MRGPRX1: variants seen among roughly 807,000 people sequenced by gnomAD.
MRGPRX1 encodes mas-related G protein-coupled receptor member X1.
For synonymous variants in MRGPRX1, 208 were observed against 170.4 expected (o/e 1.22, Z -1.72); for missense variants, 411 against 393.8 (o/e 1.04, Z -0.37).
intron 1 of MRGPRX1, among the ~76,000 whole-genome samples, chr11:18,935,641 C>T (rs533778082): frequency 2.0e-5 from 3 of 151,414 alleles, no homozygotes; most frequent in South Asian, 4.2e-4. Flanking sequence ...TTTGCCGAAC[C>T]CCTAGAAGCA....
Position 18,936,125 on chromosome 11 carries a change from A to G in MRGPRX1, c.-25-1316T>C, listed in dbSNP as rs1179896734. Among the ~76,000 whole-genome samples the G allele has an allele frequency of 2.6e-5, 4 of 151,442 alleles. 1 individual carries two copies. The highest frequency in any genetic ancestry group is 5.9e-5 in the Non-Finnish European group (4 of 67,800). ...GGAACACAAAAAGAGTGAATTATTC[A>G]TTCTGGGACTTATATAGTATGAATT... On this transcript the variant is annotated intron_variant, in intron 1 of 1. Transcript: ENST00000526914.
intron 1 of MRGPRX1, 21 bp from the exon 2 acceptor site, chr11:18,934,830 T>G (rs1172578122): frequency 5.9e-6 from 9 of 1,523,568 alleles, no homozygotes; most frequent in Non-Finnish European, 7.9e-6. Context: ...AAACCAGTTG[T>G]GATCACCAGC....
At chr11:18,935,544 C>G (rs532172682) in intron 1 of MRGPRX1, among the ~76,000 whole-genome samples, 2 of 151,680 alleles carry the variant, frequency 1.3e-5, no homozygotes, top group Admixed American at 6.6e-5. Flanking sequence ...GTGGACAGCT[C>G]TATCTGTGTT....
At chr11:18,939,116 G>T (rs1293584309) in intron 1 of MRGPRX1, among the ~76,000 whole-genome samples, 164 bp downstream of exon 1, 1 of 151,408 alleles carries the variant, frequency 6.6e-6, no homozygotes, top group Non-Finnish European at 1.5e-5. Flanking sequence ...AACTCACACA[G>T]TCTGGGTTGG....
intron 1 of MRGPRX1, among the ~76,000 whole-genome samples, chr11:18,937,817 T>C (rs1213819107): frequency 6.6e-6 from 1 of 151,494 alleles, no homozygotes; most frequent in Non-Finnish European, 1.5e-5. Context: ...TTTTTAAAAT[T>C]ACATTTTATT....
At chr11:18,935,938 G>A (rs1460018927) in intron 1 of MRGPRX1, among the ~76,000 whole-genome samples, 1 of 151,502 alleles carries the variant, frequency 6.6e-6, no homozygotes, top group Non-Finnish European at 1.5e-5. Context: ...GGAGTATAAA[G>A]AGAGATATTC....
chr11:18,935,787 A>G (rs1848835727), intron 1 of MRGPRX1, among the ~76,000 whole-genome samples: 1 of 151,526 alleles, frequency 6.6e-6, no homozygotes, highest in African/African-American at 2.4e-5. Flanking sequence ...TCTGTGGGGC[A>G]CTACTGAGTA....
In MRGPRX1 at chr11:18,934,023, A is replaced by C; in HGVS notation, c.762T>G (p.His254Gln). 1 of 1,610,896 alleles carries C rather than the reference A, an allele frequency of 6.2e-7. No homozygotes were observed. Among genetic ancestry groups the C allele is most frequent in the East Asian group, 2.2e-5 (1 of 44,800 alleles). ...GAGCGGACAGGAAAATAGAAACTAG[A>C]TGAACATGACAAAATAAGACTTCCC... is the stretch of plus-strand genomic sequence containing the variant. ...VDREVLFCHV[H>Q]LVSIFLSALN... The change falls in exon 2 of 2, where the codon CAT becomes CAG. Residue 254 changes from histidine (H) to glutamine (Q), a missense_variant. Transcript: ENST00000526914.
chr11:18,934,904 G>T, intron 1 of MRGPRX1, 95 bp from the exon 2 acceptor site: 2 of 1,321,558 alleles, frequency 1.5e-6, no homozygotes, highest in South Asian at 3.2e-5. Flanking sequence ...TTTAAAGAGG[G>T]CAGATCAGAG....
chr11:18,938,504 G>A (rs1260654149), intron 1 of MRGPRX1, among the ~76,000 whole-genome samples: 1 of 151,496 alleles, frequency 6.6e-6, no homozygotes, highest in African/African-American at 2.4e-5. Context: ...AGCCATTTAT[G>A]AGAAACCATC....
chr11:18,938,926 A>G (rs1052986028), intron 1 of MRGPRX1, among the ~76,000 whole-genome samples: 9 of 151,624 alleles, frequency 5.9e-5, no homozygotes, highest in African/African-American at 2.2e-4. Context: ...AATTTAGAAA[A>G]GTAAGTAAAA....
chr11:18,937,407 C>T (rs1168716074), intron 1 of MRGPRX1, among the ~76,000 whole-genome samples: 2 of 151,346 alleles, frequency 1.3e-5, no homozygotes, highest in Admixed American at 6.6e-5. Flanking sequence ...GATGTGTGTG[C>T]TGCTACCCCA....
chr11:18,939,209 G>C (rs1325207790), intron 1 of MRGPRX1, 71 bp downstream of exon 1: 1 of 151,634 alleles, frequency 6.6e-6, no homozygotes, highest in African/African-American at 2.4e-5. Flanking sequence ...GTAGCACCTA[G>C]GTGGAAACAG....
chr11:18,935,292 C>T (rs1848832234), intron 1 of MRGPRX1: 1 of 155,508 alleles, frequency 6.4e-6, no homozygotes, highest in South Asian at 2.0e-4. Flanking sequence ...AGAAATAACT[C>T]AGCATGTCAG....
chr11:18,936,533 C>T (rs2133262238), intron 1 of MRGPRX1, among the ~76,000 whole-genome samples: 1 of 151,356 alleles, frequency 6.6e-6, no homozygotes, highest in African/African-American at 2.4e-5. Flanking sequence ...GGAGTGAGTG[C>T]ATCCATCATG....
chr11:18,934,155 CG>C lies in MRGPRX1; in HGVS notation c.629del (p.Pro210ArgfsTer2). The C allele has an allele frequency of 6.2e-7, 1 of 1,610,798 alleles. No homozygotes were observed. Among genetic ancestry groups the C allele is most frequent in the Non-Finnish European group, 8.5e-7 (1 of 1,178,186 alleles). On this transcript the variant is annotated frameshift_variant, in exon 2 of 2. Transcript: ENST00000526914. LOFTEE classifies it low-confidence loss of function (END_TRUNC). Reference sequence around the variant, plus strand: ...GGATGGTCACGTACAGCCTGGTCAGCGGTATCTTCCGGGATCCACAGAGAAT... The same window carrying C: ...GGATGGTCACGTACAGCCTGGTCAGCGTATCTTCCGGGATCCACAGAGAAT... ...IRILCGSRKI[P>X]LTRLYVTILL... is the part of the protein sequence containing the mutation.
chr11:18,934,571 C>T lies in MRGPRX1; in HGVS notation c.214G>A (p.Asp72Asn), dbSNP rs942094619. Residue 72 changes from aspartate (D) to asparagine (N), a missense_variant, in exon 2 of 2, where the codon GAC becomes AAC. Physicochemically the swap from Asp to Asn is conservative, Grantham distance 23. Coordinates refer to ENST00000526914, the MANE Select transcript of MRGPRX1 (RefSeq NM_001393578.1). ...AGGCGGCCGCTGAGGAAGAGGAAGT[C>T]TGCTGCGGCCAAGTTGAGGATGTAG... is the stretch of plus-strand genomic sequence containing the variant. Reference protein sequence around the residue: ...SIYILNLAAADFLFLSGRLIY... With the variant: ...SIYILNLAAANFLFLSGRLIY... 1 of 1,609,566 alleles carries T rather than the reference C, an allele frequency of 6.2e-7. No homozygotes were observed. Among genetic ancestry groups the T allele is most frequent in the Non-Finnish European group, 8.5e-7 (1 of 1,177,694 alleles).
rs1458372225 is a variant in MRGPRX1 at position 18,933,790 on chromosome 11, C to G, written c.*26G>C. 17 of 1,579,056 alleles carry G rather than the reference C, an allele frequency of 1.1e-5. No individual in the cohort carries two copies. The highest frequency in any genetic ancestry group is 1.4e-5 in the Non-Finnish European group (16 of 1,163,316). ...GCAGGGCAGTGTTGCTCTCAAAGTC[C>G]TGTCTGACAGGGCAGAGGCTCTTCC... On this transcript the variant is annotated 3_prime_UTR_variant, in exon 2 of 2. Transcript: ENST00000526914.
chr11:18,936,108 A>G (rs1286576874), intron 1 of MRGPRX1, among the ~76,000 whole-genome samples: 1 of 151,452 alleles, frequency 6.6e-6, no homozygotes, highest in Non-Finnish European at 1.5e-5. Context: ...TTGGAACACA[A>G]AAAGAGTGAA....
Sources: gnomAD v4.1 joint callset for allele counts (sites outside exome capture counted in the v4.1 genomes callset) on GRCh38, gnomAD v4.1.1 for gene constraint, MANE v1.5 for transcripts, NCBI Gene and HGNC (gene_info 2026-07-23, HGNC 2026-07-21) for gene names.